USP7: variants seen among roughly 807,000 people sequenced by gnomAD.
The protein encoded by USP7 is ubiquitin C-terminal hydrolase 7.
USP7 carries 9 observed loss-of-function variants against 162.9 expected under a neutral mutation model. The ratio of observed to expected loss-of-function variants is 0.06; its 90% CI spans 0.03 to 0.10. The LOEUF is 0.10. Among genes scored for constraint, USP7 ranks in the 10% least tolerant of loss-of-function variants. The pLI, the probability that USP7 is intolerant of heterozygous loss-of-function variation, is 1.00. For missense variants in USP7, 715 were observed against 1,373.7 expected (o/e 0.52, Z 7.58); for synonymous variants, 562 against 475.9 (o/e 1.18, Z -2.35).
chr16:8,940,246 C>A (rs1023584104), intron 1 of USP7, among the ~76,000 whole-genome samples: 1 of 152,204 alleles, frequency 6.6e-6, no homozygotes, highest in Admixed American at 6.5e-5. Context: ...CATCCTACAG[C>A]CAGGTCATAT....
chr16:8,893,689 C>A lies in USP7; in HGVS notation c.*309G>T, dbSNP rs1424025984. 4 of 333,650 alleles carry A rather than the reference C, an allele frequency of 1.2e-5. No individual in the cohort carries two copies. Among genetic ancestry groups the A allele is most frequent in the Admixed American group, 3.9e-5 (1 of 25,384 alleles). The allele number at this position is 333,650 out of a possible 1,614,324, so 20.7% of individuals were successfully genotyped here. On this transcript the variant is annotated 3_prime_UTR_variant, in exon 31 of 31. Coordinates refer to ENST00000344836, the MANE Select transcript of USP7 (RefSeq NM_003470.3). ...GTGCCCACTAGGGACAGCCCAGAGA[C>A]CTTGAGCCAGGGACCCCCGATCCAC...
rs956228623 is a variant in USP7, at chr16:8,904,504, T to C, written c.1635A>G (p.Gln545=). The C allele has an allele frequency of 1.2e-6, 2 of 1,614,200 alleles. No individual in the cohort carries two copies. The highest frequency in any genetic ancestry group is 1.7e-6 in the Non-Finnish European group (2 of 1,180,050). The change falls in exon 15 of 31, where the codon CAA becomes CAG. Residue 545 remains glutamine (Q), a synonymous_variant. Transcript: ENST00000344836. ...DIPQQLVERL[Q]EEKRIEAQKR... ...TCTGAGCCTCGATCCTTTTCTCTTC[T>C]TGTAATCGCTCCACCAACTGCTGAG...
intron 8 of USP7, among the ~76,000 whole-genome samples, 185 bp downstream of exon 8, chr16:8,916,317 C>T (rs1897365613): frequency 2.6e-5 from 4 of 152,284 alleles, no homozygotes; most frequent in Admixed American, 2.6e-4. Context: ...CCTTCAAATC[C>T]CTATTCAAGT....
intron 13 of USP7, among the ~76,000 whole-genome samples, chr16:8,906,151 T>C (rs1567213965): frequency 6.6e-6 from 1 of 152,258 alleles, no homozygotes; most frequent in Non-Finnish European, 1.5e-5. Flanking sequence ...CCCACGAGCA[T>C]TCAGAAGAAA....
At chr16:8,929,450 T>C (rs933930582) in intron 2 of USP7, 9 of 455,766 alleles carry the variant, frequency 2.0e-5, no homozygotes, top group Non-Finnish European at 3.1e-5. Flanking sequence ...CAGTTTCTCA[T>C]GGAGGCTGAA....
chr16:8,903,883 GGAAAA>G (rs2061818197), intron 15 of USP7, among the ~76,000 whole-genome samples: 1 of 149,554 alleles, frequency 6.7e-6, no homozygotes, highest in Admixed American at 6.7e-5. Context: ...AAAAAAAAAA[GGAAAA>G]GAAAAAAGAA....
rs117439328 is a variant in USP7, at chr16:8,933,265, C to T, written c.80-2868G>A. Among the ~76,000 whole-genome samples the T allele has an allele frequency of 5.9e-3, 902 of 152,148 alleles. 29 individuals carry two copies. The East Asian group carries it at 0.1, about 17-fold the overall frequency. Reference sequence around the variant, plus strand: ...CAATAGAATGTTAAAAAAATTTAGCCAAGCACAGTGGCTCATGCCTATATA... The same window carrying T: ...CAATAGAATGTTAAAAAAATTTAGCTAAGCACAGTGGCTCATGCCTATATA... On this transcript the variant is annotated intron_variant, in intron 1 of 30. Coordinates refer to ENST00000344836, the MANE Select transcript of USP7 (RefSeq NM_003470.3).
intron 26 of USP7, 105 bp downstream of exon 26, chr16:8,896,894 G>A (rs531603086): frequency 2.2e-5 from 19 of 851,936 alleles, no homozygotes; most frequent in Admixed American, 1.8e-4. Flanking sequence ...TGGGAATGAC[G>A]CGCATGGATC....
intron 1 of USP7, among the ~76,000 whole-genome samples, chr16:8,961,148 G>A (rs1444099399): frequency 2.0e-5 from 3 of 152,016 alleles, no homozygotes; most frequent in African/African-American, 7.2e-5. Flanking sequence ...CCTTGAAAAC[G>A]TGCATGGAGA....
intron 1 of USP7, among the ~76,000 whole-genome samples, chr16:8,941,947 C>T (rs1407874048): frequency 6.6e-6 from 1 of 152,250 alleles, no homozygotes; most frequent in Non-Finnish European, 1.5e-5. Context: ...CACACAGTGA[C>T]AGCCACAGGG....
intron 1 of USP7, chr16:8,936,874 C>T: frequency 1.6e-6 from 1 of 640,850 alleles, no homozygotes; most frequent in Non-Finnish European, 2.1e-6. Flanking sequence ...AACAACATAC[C>T]AATGCCAGTT....
At chr16:8,949,269 A>C (rs897145291) in intron 1 of USP7, among the ~76,000 whole-genome samples, 1 of 152,264 alleles carries the variant, frequency 6.6e-6, no homozygotes, top group Non-Finnish European at 1.5e-5. Flanking sequence ...AGGTAAAATT[A>C]AGGTTAACTG....
chr16:8,947,730 G>A (rs1899353678), intron 1 of USP7, among the ~76,000 whole-genome samples: 1 of 152,192 alleles, frequency 6.6e-6, no homozygotes, highest in South Asian at 2.1e-4. Context: ...TTTAAGGGGT[G>A]AAGTCTTTTA....
At chr16:8,905,816 G>A (rs958822502) in intron 13 of USP7, among the ~76,000 whole-genome samples, 1 of 152,234 alleles carries the variant, frequency 6.6e-6, no homozygotes, top group African/African-American at 2.4e-5. Flanking sequence ...GTTCCTAACA[G>A]TTATCTTCCC....
rs981138096 is a variant in USP7 at position 8,924,951 on chromosome 16, T to C, written c.185-1538A>G. On this transcript the variant is annotated intron_variant, in intron 2 of 30. Transcript: ENST00000344836. ...CAAAATAATTATTTATTTGAGCCTCTTCAAGTGGTATTCCCCTAATCCTTT... is the reference window on the plus strand; with the variant it reads ...CAAAATAATTATTTATTTGAGCCTCCTCAAGTGGTATTCCCCTAATCCTTT... Among the ~76,000 whole-genome samples the C allele has an allele frequency of 2.0e-5, 3 of 152,220 alleles. No individual in the cohort carries two copies. The South Asian group carries it at 6.2e-4, about 32-fold the overall frequency.
At chr16:8,960,710 G>C (rs1339978721) in intron 1 of USP7, among the ~76,000 whole-genome samples, 2 of 152,222 alleles carry the variant, frequency 1.3e-5, no homozygotes. Flanking sequence ...AAGCCAACCA[G>C]AGTCCACTAA....
rs185913867 is a variant in USP7, at chr16:8,918,989, G to A, written c.720+42C>T. 1.4e-3 allele frequency: 2,159 copies of A among 1,596,892 alleles called. 2 individuals carry two copies. Among genetic ancestry groups the A allele is most frequent in the Admixed American group, 2.9e-3 (171 of 59,988 alleles). ...TTGCTCTGATATACCTGAGAAGAAA[G>A]GGTGAGCGGAAGGCTGCAGGAGAGG... On this transcript the variant is annotated intron_variant, in intron 6 of 30. Coordinates refer to ENST00000344836, the MANE Select transcript of USP7 (RefSeq NM_003470.3).
intron 1 of USP7, chr16:8,936,640 G>C (rs765391538): frequency 6.4e-7 from 1 of 1,556,426 alleles, no homozygotes; most frequent in South Asian, 1.2e-5. Context: ...AGTGGCCTCT[G>C]CTGGGGGATG....
At chr16:8,956,349 T>C (rs930695508) in intron 1 of USP7, 2 of 152,164 alleles carry the variant, frequency 1.3e-5, no homozygotes, top group Non-Finnish European at 2.9e-5. Context: ...GTTTCAAACA[T>C]TCATGAAGTT....
Sources: allele counts gnomAD v4.1 joint callset (sites outside exome capture counted in the v4.1 genomes callset), GRCh38; gene constraint gnomAD v4.1.1; transcripts MANE v1.5; gene names NCBI Gene and HGNC (gene_info 2026-07-23, HGNC 2026-07-21).